WRN: variants seen among roughly 807,000 people sequenced by gnomAD.
WRN encodes the protein bifunctional 3'-5' exonuclease/ATP-dependent helicase WRN.
Under a neutral mutation model 180.7 loss-of-function variants are expected in WRN, and 149 were observed. The ratio of observed to expected loss-of-function variants is 0.82; its 90% CI spans 0.72 to 0.94. The LOEUF (loss-of-function observed/expected upper bound fraction) is 0.94, where lower values mean the gene tolerates loss of function less well. Among genes scored for constraint, WRN ranks in the 40% least tolerant of loss-of-function variants. The probability of loss-of-function intolerance (pLI) is 0.00; values close to 1 mark genes in which losing one functional copy is unlikely to be tolerated. For synonymous variants in WRN, 548 were observed against 568.9 expected, an observed-to-expected ratio of 0.96 and a Z score of 0.52; for missense variants, 1,661 against 1,700.1, an observed-to-expected ratio of 0.98 and a Z score of 0.40.
chr8:31,117,113 C>A (rs1297256066), intron 20 of WRN, among the ~76,000 whole-genome samples: 1 of 152,086 alleles, frequency 6.6e-6, no homozygotes, highest in Admixed American at 6.6e-5. Flanking sequence ...GTATCATATA[C>A]CTGTTAGTTT....
rs958467944 is a variant in WRN at position 31,111,746 on chromosome 8, G to A, written c.2220G>A (p.Arg740=). 6.2e-7 allele frequency: 1 copy of A among 1,613,908 alleles called. No homozygotes were observed. Among genetic ancestry groups the A allele is most frequent in the Non-Finnish European group, 8.5e-7 (1 of 1,179,968 alleles). ...GACCAAACCTGTATTTAGAAGTTAGGCGAAAAACAGGGAATATCCTTCAGG... is the reference window on the plus strand; with the variant it reads ...GACCAAACCTGTATTTAGAAGTTAGACGAAAAACAGGGAATATCCTTCAGG... ...FDRPNLYLEV[R]RKTGNILQDL... The change falls in exon 19 of 35, where the codon AGG becomes AGA. Residue 740 remains arginine, a synonymous_variant. Coordinates refer to ENST00000298139, the MANE Select transcript of WRN (RefSeq NM_000553.6).
intron 24 of WRN, among the ~76,000 whole-genome samples, chr8:31,141,043 T>C (rs188589141): frequency 6.6e-6 from 1 of 152,126 alleles, no homozygotes; most frequent in Admixed American, 6.5e-5. Context: ...GCATGCCGCA[T>C]TGCGTTTTAT....
Position 31,076,170 on chromosome 8 carries a change from T to C in WRN, c.725-3T>C, listed in dbSNP as rs1813085842. 4 of 1,610,466 alleles carry C rather than the reference T, an allele frequency of 2.5e-6. No individual in the cohort carries two copies. Among genetic ancestry groups the C allele is most frequent in the Non-Finnish European group, 3.4e-6 (4 of 1,176,790 alleles). On this transcript the variant is annotated splice_region_variant and splice_polypyrimidine_tract_variant and intron_variant, in intron 7 of 34. Transcript: ENST00000298139. ...AATTAATATTGATTTTTTTTCCCCC[T>C]AGAGGAAGAAATCCTACTTAGCGAC...
At chr8:31,067,332 A>G in intron 6 of WRN, 150 bp downstream of exon 6, 1 of 900,532 alleles carries the variant, frequency 1.1e-6, no homozygotes, top group Non-Finnish European at 1.7e-6. Context: ...GAAGACATTT[A>G]GTGAAACTAT....
At chr8:31,063,583 T>C (rs1812578350) in intron 3 of WRN, among the ~76,000 whole-genome samples, 1 of 152,252 alleles carries the variant, frequency 6.6e-6, no homozygotes, top group Admixed American at 6.5e-5. Context: ...CCGATAGATA[T>C]CCTCTTAACA....
intron 33 of WRN, among the ~76,000 whole-genome samples, chr8:31,166,632 CCAA>C (rs1417168260): frequency 2.6e-5 from 4 of 152,050 alleles, no homozygotes; most frequent in South Asian, 2.1e-4. Context: ...AGGCAAAAGG[CCAA>C]CAAGTGATCA....
At position 31,052,740 on chromosome 8, in the gene WRN, CTG is replaced by C. The variant is rs1812124213; in HGVS notation, c.-76-5628_-76-5627del. ...ATTATAAGAACATTATTTTTAATGA[CTG>C]TGTAGTGTTCTGTTTTATGGATGTA... On this transcript the variant is annotated intron_variant, in intron 1 of 34. Coordinates refer to ENST00000298139, the MANE Select transcript of WRN (RefSeq NM_000553.6). Among the ~76,000 whole-genome samples, 3 of 152,112 alleles carry C rather than the reference CTG, an allele frequency of 2.0e-5. No individual in the cohort carries two copies. In the South Asian group the frequency reaches 6.2e-4, roughly 32 times the overall value.
chr8:31,065,154 A>G, intron 5 of WRN, 91 bp downstream of exon 5: 11 of 1,369,556 alleles, frequency 8.0e-6, no homozygotes, highest in Non-Finnish European at 1.0e-5. Context: ...TTTTTTTTTG[A>G]AAAAGCTTGT....
At chr8:31,121,319 C>T (rs1460660092) in intron 21 of WRN, among the ~76,000 whole-genome samples, 1 of 151,872 alleles carries the variant, frequency 6.6e-6, no homozygotes, top group Admixed American at 6.6e-5. Context: ...GAGTGCCTCC[C>T]ACTACAGTTT....
chr8:31,103,544 G>C (rs764291134), intron 18 of WRN, among the ~76,000 whole-genome samples: 2 of 143,488 alleles, frequency 1.4e-5, no homozygotes, highest in African/African-American at 2.5e-5. Flanking sequence ...CAGAAATGCC[G>C]TTAAGTACCA....
chr8:31,165,773 G>A (rs1803832447), intron 33 of WRN, among the ~76,000 whole-genome samples: 1 of 152,010 alleles, frequency 6.6e-6, no homozygotes, highest in African/African-American at 2.4e-5. Context: ...GGAACTCAAA[G>A]TAAATTGGGA....
At chr8:31,080,030 G>A (rs1339359908) in intron 8 of WRN, among the ~76,000 whole-genome samples, 1 of 152,088 alleles carries the variant, frequency 6.6e-6, no homozygotes, top group East Asian at 1.9e-4. Context: ...ACAGGCGCAT[G>A]CCACCAAGCC....
chr8:31,125,543 T>G (rs1255314981), intron 23 of WRN, among the ~76,000 whole-genome samples: 2 of 78,412 alleles, frequency 2.6e-5, no homozygotes, highest in East Asian at 4.0e-4. Flanking sequence ...TGGAGATATA[T>G]ATATATATAT....
At chr8:31,119,272 G>C (rs1425954923) in intron 20 of WRN, among the ~76,000 whole-genome samples, 2 of 151,596 alleles carry the variant, frequency 1.3e-5, no homozygotes, top group Non-Finnish European at 2.9e-5. Context: ...TAGGTCTACT[G>C]TTCTTACAGT....
At chr8:31,089,771 T>A (rs1424406497) in intron 13 of WRN, among the ~76,000 whole-genome samples, 1 of 151,978 alleles carries the variant, frequency 6.6e-6, no homozygotes, top group Non-Finnish European at 1.5e-5. Context: ...TTGAAAGAAC[T>A]TTTTTCTGTG....
At chr8:31,058,328 A>G (rs2129999902) in intron 1 of WRN, 44 bp from the exon 2 acceptor site, 1 of 812,762 alleles carries the variant, frequency 1.2e-6, no homozygotes, top group South Asian at 1.5e-5. Context: ...TACTTTAAAT[A>G]TGTATGTTTG....
chr8:31,090,992 G>A, intron 15 of WRN, 50 bp downstream of exon 15: 1 of 1,359,748 alleles, frequency 7.4e-7, no homozygotes, highest in Non-Finnish European at 1.1e-6. Context: ...TTTCTTCTGT[G>A]GGTGAAACAT....
chr8:31,059,142 C>T lies in WRN; in HGVS notation c.97-11C>T, dbSNP rs1812385772. Reference sequence around the variant, plus strand: ...AACTTTGTGCCTGTTTTGAAATTTACTAAACTCAAGGCATGTGTTCGGAAG... The same window carrying T: ...AACTTTGTGCCTGTTTTGAAATTTATTAAACTCAAGGCATGTGTTCGGAAG... On this transcript the variant is annotated splice_polypyrimidine_tract_variant and intron_variant, in intron 2 of 34. Coordinates refer to ENST00000298139, the MANE Select transcript of WRN (RefSeq NM_000553.6). The T allele has an allele frequency of 1.2e-6, 2 of 1,605,620 alleles. No individual in the cohort carries two copies. Among genetic ancestry groups the T allele is most frequent in the Non-Finnish European group, 1.7e-6 (2 of 1,172,470 alleles).
intron 33 of WRN, among the ~76,000 whole-genome samples, chr8:31,165,501 T>C (rs542181753): frequency 8.1e-4 from 123 of 152,058 alleles, no homozygotes; most frequent in Admixed American, 1.4e-3. Context: ...ATAATTTAAT[T>C]AGTCTACTAT....
Sources: allele counts gnomAD v4.1 joint callset (sites outside exome capture counted in the v4.1 genomes callset), GRCh38; gene constraint gnomAD v4.1.1; transcripts MANE v1.5; gene names NCBI Gene and HGNC (gene_info 2026-07-23, HGNC 2026-07-21).